The following RYR2 variants were observed in gnomAD, a reference collection of about 807,000 sequenced individuals.
The protein encoded by RYR2 is ryanodine receptor 2, also known as cardiac muscle ryanodine receptor-calcium release channel.
Under a neutral mutation model 601.1 loss-of-function variants are expected in RYR2, and 227 were observed. That is an observed-to-expected ratio of 0.38 (90% CI 0.34 to 0.42). The LOEUF is 0.42. RYR2 is among the 10% of genes least tolerant of loss of function. The pLI is 1.00. For synonymous variants in RYR2, 2,223 were observed against 2,175.1 expected, an observed-to-expected ratio of 1.02 and a Z score of -0.61; for missense variants, 4,646 against 6,156.5, an observed-to-expected ratio of 0.75 and a Z score of 8.21.
chr1:237,755,507 T>G (rs1179989144), intron 80 of RYR2, among the ~76,000 whole-genome samples: 2 of 152,234 alleles, frequency 1.3e-5, no homozygotes, highest in Non-Finnish European at 2.9e-5. Context: ...CTTATACTGC[T>G]TAGTTCCTTC....
intron 34 of RYR2, among the ~76,000 whole-genome samples, chr1:237,600,064 G>A (rs1157392032): frequency 2.6e-5 from 4 of 151,878 alleles, no homozygotes; most frequent in African/African-American, 7.2e-5. Flanking sequence ...TTCTATTATA[G>A]AAATAGAAAA....
chr1:237,042,468 G>T lies in RYR2; in HGVS notation c.-54G>T. 4 of 1,238,626 alleles carry T rather than the reference G, an allele frequency of 3.2e-6. No homozygotes were observed. Among genetic ancestry groups the T allele is most frequent in the Non-Finnish European group, 3.1e-6 (3 of 982,418 alleles). The allele number at this position is 1,238,626 out of a possible 1,614,324, so 76.7% of individuals were successfully genotyped here. A position where few individuals can be genotyped will look rare whatever the true frequency, so the allele number is the denominator to read the frequency against. On this transcript the variant is annotated 5_prime_UTR_variant, in exon 1 of 105. Coordinates refer to ENST00000366574, the MANE Select transcript of RYR2 (RefSeq NM_001035.3). ...GAAGGCAGCGCCAGGGGCCGCCGCC[G>T]CCGCCGAGCTCCGCGGGGCTCGGGA... is the stretch of plus-strand genomic sequence containing the variant.
rs187499965 is a variant in RYR2, at chr1:237,272,119, G to A, written c.168+1503G>A. 6.8e-4 allele frequency among the ~76,000 whole-genome samples: 103 copies of A among 152,228 alleles called. 1 individual carries two copies. The highest frequency in any genetic ancestry group is 2.9e-3 in the Admixed American group (45 of 15,284). ...CACTCCAGCCTGGGTGACAGAGCAA[G>A]ATTCTGTCAAAAAGAAAAGAAAAAG... On this transcript the variant is annotated intron_variant, in intron 2 of 104. Coordinates refer to ENST00000366574, the MANE Select transcript of RYR2 (RefSeq NM_001035.3).
rs149178863 is a variant in RYR2 at position 237,653,627 on chromosome 1, G to A, written c.7825-647G>A. 8.5e-3 allele frequency among the ~76,000 whole-genome samples: 1,287 copies of A among 152,300 alleles called. 17 individuals are homozygous for A. Among genetic ancestry groups the A allele is most frequent in the African/African-American group, 0.029 (1,200 of 41,566 alleles). ...AGGATAGATGTATATATGAAGGGGA[G>A]TTTATTAAGGAGTATTGACTCACAC... On this transcript the variant is annotated intron_variant, in intron 51 of 104. Coordinates refer to ENST00000366574, the MANE Select transcript of RYR2 (RefSeq NM_001035.3).
intron 68 of RYR2, among the ~76,000 whole-genome samples, chr1:237,708,477 C>G (rs969194978): frequency 1.3e-5 from 2 of 152,166 alleles, no homozygotes; most frequent in African/African-American, 4.8e-5. Flanking sequence ...AATGAGATAA[C>G]TGTATATAGT....
At chr1:237,709,140 T>C in intron 69 of RYR2, 42 bp downstream of exon 69, 1 of 1,505,218 alleles carries the variant, frequency 6.6e-7, no homozygotes, top group South Asian at 1.4e-5. Flanking sequence ...AATTCGGTCA[T>C]AACGTTTCTT....
intron 24 of RYR2, among the ~76,000 whole-genome samples, chr1:237,524,164 T>C (rs1192219063): frequency 3.3e-5 from 5 of 152,200 alleles, no homozygotes; most frequent in Non-Finnish European, 7.3e-5. Flanking sequence ...GTGCAAATGT[T>C]CATCAACTAA....
intron 1 of RYR2, among the ~76,000 whole-genome samples, chr1:237,177,797 T>C (rs1208034565): frequency 6.6e-6 from 1 of 152,202 alleles, no homozygotes; most frequent in African/African-American, 2.4e-5. Context: ...TTAGGGTTTA[T>C]ACCTAGAAGA....
intron 100 of RYR2, among the ~76,000 whole-genome samples, chr1:237,809,789 T>G (rs1661064193): frequency 6.6e-6 from 1 of 152,248 alleles, no homozygotes; most frequent in South Asian, 2.1e-4. Context: ...TGACCAGTAT[T>G]ACAAAGACTA....
chr1:237,816,549 C>T (rs935859857), intron 100 of RYR2, among the ~76,000 whole-genome samples: 2 of 152,010 alleles, frequency 1.3e-5, no homozygotes, highest in African/African-American at 2.4e-5. Context: ...ATTAGCTGGG[C>T]ATGGTGGCGG....
intron 1 of RYR2, among the ~76,000 whole-genome samples, chr1:237,115,259 G>T (rs1006956428): frequency 6.6e-6 from 1 of 152,028 alleles, no homozygotes; most frequent in Non-Finnish European, 1.5e-5. Flanking sequence ...CTCTGGGCCA[G>T]TTGGCAGCCC....
intron 2 of RYR2, among the ~76,000 whole-genome samples, 187 bp downstream of exon 2, chr1:237,270,803 T>A (rs1195367156): frequency 6.6e-6 from 1 of 152,212 alleles, no homozygotes; most frequent in Non-Finnish European, 1.5e-5. Flanking sequence ...GAACTAGGGA[T>A]AAGATTATTA....
chr1:237,078,692 A>G (rs1268973866), intron 1 of RYR2, among the ~76,000 whole-genome samples: 1 of 128,622 alleles, frequency 7.8e-6, no homozygotes, highest in Non-Finnish European at 1.6e-5. Context: ...GAATTCTACC[A>G]GAGGTACAAG....
chr1:237,271,537 A>G (rs911995826), intron 2 of RYR2, among the ~76,000 whole-genome samples: 10 of 152,204 alleles, frequency 6.6e-5, no homozygotes, highest in African/African-American at 1.9e-4. Context: ...TTTAGGAACT[A>G]TTCACTTTGA....
intron 1 of RYR2, among the ~76,000 whole-genome samples, chr1:237,179,487 G>A (rs1254017444): frequency 6.6e-6 from 1 of 151,786 alleles, no homozygotes; most frequent in East Asian, 1.9e-4. Context: ...AATGGGGAGG[G>A]AGAAGGAAGC....
intron 17 of RYR2, among the ~76,000 whole-genome samples, chr1:237,489,267 A>G (rs1462714660): frequency 1.3e-5 from 2 of 152,172 alleles, no homozygotes; most frequent in African/African-American, 4.8e-5. Flanking sequence ...CAACAAACAT[A>G]TGAAAAATAG....
intron 1 of RYR2, among the ~76,000 whole-genome samples, chr1:237,064,563 G>C (rs1322473404): frequency 1.3e-5 from 2 of 151,998 alleles, no homozygotes; most frequent in African/African-American, 4.8e-5. Flanking sequence ...GGTTCTAGAT[G>C]ATGTTATCTT....
At chr1:237,478,369 G>A (rs1350061954) in intron 17 of RYR2, among the ~76,000 whole-genome samples, 1 of 152,114 alleles carries the variant, frequency 6.6e-6, no homozygotes, top group Non-Finnish European at 1.5e-5. Flanking sequence ...CAATGGGAAT[G>A]GTAAAAATAT....
chr1:237,327,258 G>A (rs1166711654), intron 2 of RYR2, among the ~76,000 whole-genome samples: 2 of 152,062 alleles, frequency 1.3e-5, no homozygotes, highest in Admixed American at 6.6e-5. Context: ...CAAAATGGGT[G>A]GCGTTTGTAA....
Sources: gnomAD v4.1 joint callset for allele counts (sites outside exome capture counted in the v4.1 genomes callset) on GRCh38, gnomAD v4.1.1 for gene constraint, MANE v1.5 for transcripts, NCBI Gene and HGNC (gene_info 2026-07-23, HGNC 2026-07-21) for gene names.